The following MPDZ variants were observed in gnomAD, a reference collection of about 807,000 sequenced individuals.
MPDZ encodes the protein multiple PDZ domain protein.
Under a neutral mutation model 239.1 loss-of-function variants are expected in MPDZ, and 234 were observed. The observed-to-expected ratio is 0.98, with a 90% CI of 0.88 to 1.09. MPDZ has a LOEUF of 1.09. Ranked by LOEUF, MPDZ falls within the 50% of genes least tolerant of loss-of-function variation. MPDZ has a pLI of 0.00. For missense variants in MPDZ, 3,175 were observed against 2,510.0 expected (o/e 1.26, Z -5.66); for synonymous variants, 1,048 against 881.3 (o/e 1.19, Z -3.35).
At chr9:13,188,457 G>A (rs1199566565) in intron 17 of MPDZ, among the ~76,000 whole-genome samples, 1 of 152,050 alleles carries the variant, frequency 6.6e-6, no homozygotes, top group African/African-American at 2.4e-5. Flanking sequence ...GGTGGAGACT[G>A]CAATGAACCG....
intron 39 of MPDZ, among the ~76,000 whole-genome samples, chr9:13,118,329 A>C (rs1237430692): frequency 6.6e-6 from 1 of 152,256 alleles, no homozygotes; most frequent in African/African-American, 2.4e-5. Context: ...TGAGAAACCT[A>C]ATGAGAAGTG....
intron 35 of MPDZ, among the ~76,000 whole-genome samples, chr9:13,124,462 T>C (rs1944827129): frequency 6.6e-6 from 1 of 152,206 alleles, no homozygotes; most frequent in East Asian, 1.9e-4. Flanking sequence ...CACCCCCCGT[T>C]ACAGAAAAAG....
intron 32 of MPDZ, among the ~76,000 whole-genome samples, chr9:13,127,771 G>A (rs967531408): frequency 8.5e-5 from 13 of 152,066 alleles, no homozygotes; most frequent in African/African-American, 3.1e-4. Context: ...CTCTTTCCAG[G>A]CAATCAGTCA....
At chr9:13,192,044 C>G in intron 15 of MPDZ, 87 bp downstream of exon 15, 1 of 1,210,472 alleles carries the variant, frequency 8.3e-7, no homozygotes, top group Non-Finnish European at 1.1e-6. Context: ...AAATCAAATA[C>G]CAAATTGAAA....
At chr9:13,171,452 G>A (rs1951771369) in intron 21 of MPDZ, among the ~76,000 whole-genome samples, 1 of 152,074 alleles carries the variant, frequency 6.6e-6, no homozygotes, top group Non-Finnish European at 1.5e-5. Flanking sequence ...TAAGGGTTGA[G>A]TAATTTCAGA....
intron 13 of MPDZ, among the ~76,000 whole-genome samples, chr9:13,194,776 CCTT>C: frequency 6.6e-6 from 1 of 152,148 alleles, no homozygotes; most frequent in South Asian, 2.1e-4. Flanking sequence ...CAAAGGGTCT[CCTT>C]CATTATTCAA....
At chr9:13,149,514 T>C (rs1357277236) in intron 25 of MPDZ, among the ~76,000 whole-genome samples, 6 of 152,178 alleles carry the variant, frequency 3.9e-5, no homozygotes, top group Non-Finnish European at 7.4e-5. Context: ...GGTACTCCTT[T>C]CTCTATCCTT....
At chr9:13,140,847 A>T (rs1007954374) in intron 27 of MPDZ, 1 of 152,120 alleles carries the variant, frequency 6.6e-6, no homozygotes, top group Non-Finnish European at 1.5e-5. Flanking sequence ...TGCTACCTGA[A>T]TCCTCTCTCC....
intron 1 of MPDZ, among the ~76,000 whole-genome samples, chr9:13,256,411 T>C (rs1969449730): frequency 6.6e-6 from 1 of 152,214 alleles, no homozygotes; most frequent in Admixed American, 6.5e-5. Context: ...ACAACACACT[T>C]AGCTTTCAGC....
chr9:13,265,602 C>T (rs1418298875), intron 1 of MPDZ, among the ~76,000 whole-genome samples: 1 of 152,104 alleles, frequency 6.6e-6, no homozygotes, highest in Non-Finnish European at 1.5e-5. Context: ...GCATTTGGTA[C>T]TCAAAAGCAT....
At chr9:13,198,357 A>AT (rs1288334237) in intron 12 of MPDZ, among the ~76,000 whole-genome samples, 1 of 151,986 alleles carries the variant, frequency 6.6e-6, no homozygotes, top group East Asian at 1.9e-4. Flanking sequence ...AGTGACGAAC[A>AT]TTTTTTCATA....
chr9:13,198,098 T>C (rs1310338631), intron 12 of MPDZ, among the ~76,000 whole-genome samples: 2 of 152,162 alleles, frequency 1.3e-5, no homozygotes, highest in African/African-American at 4.8e-5. Flanking sequence ...TTCCTTTCTT[T>C]TGGATATATA....
At chr9:13,113,273 A>G (rs1019288872) in intron 41 of MPDZ, among the ~76,000 whole-genome samples, 5 of 152,004 alleles carry the variant, frequency 3.3e-5, no homozygotes, top group African/African-American at 1.2e-4. Flanking sequence ...CTTCCTTCTC[A>G]TTTTAAGTGT....
At position 13,107,029 on chromosome 9, in the gene MPDZ, T is replaced by C. The variant is rs369281280; in HGVS notation, c.6149A>G (p.His2050Arg). The C allele has an allele frequency of 2.5e-6, 4 of 1,613,390 alleles. No individual in the cohort carries two copies. Among genetic ancestry groups the C allele is most frequent in the Non-Finnish European group, 3.4e-6 (4 of 1,179,462 alleles). ...TTTAAGGATGGCAACAGCTTCTTCA[T>C]GGGTGACTCCTTCTAGACTCTGCCC... ...VNGQSLEGVT[H>R]EEAVAILKRT... The change falls in exon 47 of 47, where the codon CAT (histidine) becomes CGT (arginine). Residue 2050 changes from histidine to arginine, a missense_variant. His to Arg is a conservative substitution (Grantham distance 29). Transcript: ENST00000319217.
chr9:13,236,247 G>GTATATATATATATA lies in MPDZ; in HGVS notation c.183+11387_183+11388insTATATATATATATA, dbSNP rs1362734880. Among the ~76,000 whole-genome samples the GTATATATATATATA allele has an allele frequency of 5.8e-3, 100 of 17,110 alleles. 17 individuals are homozygous for GTATATATATATATA. Among genetic ancestry groups the GTATATATATATATA allele is most frequent in the African/African-American group, 0.014 (88 of 6,138 alleles). The allele number at this position is 17,110 out of a possible 152,430, so 11.2% of individuals were successfully genotyped here. A position where few individuals can be genotyped will look rare whatever the true frequency, so the allele number is the denominator to read the frequency against. ...TGTGTATATGTATATGTGTGTGTGT[G>GTATATATATATATA]TGTATATATATATATATATATTTTT... On this transcript the variant is annotated intron_variant, in intron 3 of 46. Transcript: ENST00000319217.
chr9:13,263,199 G>A (rs1588192513), intron 1 of MPDZ, among the ~76,000 whole-genome samples: 1 of 152,132 alleles, frequency 6.6e-6, no homozygotes, highest in Non-Finnish European at 1.5e-5. Context: ...GACTGACCAT[G>A]AACTAGTAGT....
At chr9:13,248,491 C>G (rs2137843014) in intron 2 of MPDZ, among the ~76,000 whole-genome samples, 1 of 152,108 alleles carries the variant, frequency 6.6e-6, no homozygotes, top group Non-Finnish European at 1.5e-5. Context: ...TTACGCCAGA[C>G]AGTTTCCACC....
chr9:13,215,326 GAT>G (rs562280502), intron 10 of MPDZ, among the ~76,000 whole-genome samples: 1 of 149,512 alleles, frequency 6.7e-6, no homozygotes, highest in Non-Finnish European at 1.5e-5. Context: ...CATTCTATTG[GAT>G]ATATATATAT....
At chr9:13,122,031 C>G in intron 37 of MPDZ, 56 bp downstream of exon 37, 1 of 1,600,666 alleles carries the variant, frequency 6.2e-7, no homozygotes, top group Middle Eastern at 1.7e-4. Flanking sequence ...AAGAAACACT[C>G]CCCCCAGGAG....
Sources: allele counts gnomAD v4.1 joint callset (sites outside exome capture counted in the v4.1 genomes callset), GRCh38; gene constraint gnomAD v4.1.1; transcripts MANE v1.5; gene names NCBI Gene and HGNC (gene_info 2026-07-23, HGNC 2026-07-21).